Variants in BACH2 observed in about 807,000 individuals in gnomAD.
The protein encoded by BACH2 is BACH transcriptional regulator 2, also known as transcription regulator protein BACH2.
Under a neutral mutation model 61.8 loss-of-function variants are expected in BACH2, and 5 were observed. The observed-to-expected ratio is 0.08, with a 90% CI of 0.04 to 0.17. BACH2 has a LOEUF of 0.17. Among genes scored for constraint, BACH2 ranks in the 10% least tolerant of loss-of-function variants. The pLI, the probability that BACH2 is intolerant of heterozygous loss-of-function variation, is 1.00. For synonymous variants in BACH2, 446 were observed against 440.1 expected (o/e 1.01, Z -0.17); for missense variants, 824 against 1,091.1 (o/e 0.76, Z 3.45).
At chr6:90,038,149 A>T (rs1012169758) in intron 5 of BACH2, among the ~76,000 whole-genome samples, 6 of 152,222 alleles carry the variant, frequency 3.9e-5, no homozygotes, top group African/African-American at 1.4e-4. Context: ...ACCTTAAAGA[A>T]GATTTTCCCC....
intron 4 of BACH2, among the ~76,000 whole-genome samples, chr6:90,101,563 A>C (rs1157374742): frequency 6.6e-6 from 1 of 152,196 alleles, no homozygotes; most frequent in African/African-American, 2.4e-5. Context: ...TGTATTCAAG[A>C]CTACACTATC....
At chr6:89,946,588 C>T (rs3173197) in intron 7 of BACH2, among the ~76,000 whole-genome samples, 14,722 of 152,188 alleles carry the variant, frequency 0.097, 812 homozygotes, top group South Asian at 0.14. Context: ...GAATGAACTA[C>T]GATTTACGAG....
At chr6:90,251,810 T>C (rs1770820222) in intron 3 of BACH2, among the ~76,000 whole-genome samples, 1 of 152,190 alleles carries the variant, frequency 6.6e-6, no homozygotes, top group African/African-American at 2.4e-5. Flanking sequence ...TTTTGTTTTA[T>C]AGTTTGTAGA....
chr6:90,231,410 C>A (rs917646362), intron 3 of BACH2, among the ~76,000 whole-genome samples: 35 of 152,084 alleles, frequency 2.3e-4, no homozygotes, highest in Admixed American at 2.0e-3. Flanking sequence ...TCTACTTGAC[C>A]TTAGCAACAT....
intron 1 of BACH2, among the ~76,000 whole-genome samples, chr6:90,282,597 T>G (rs1162646137): frequency 6.6e-6 from 1 of 152,212 alleles, no homozygotes; most frequent in East Asian, 1.9e-4. Flanking sequence ...TTATTGTGAA[T>G]AGTGCCGCAA....
intron 5 of BACH2, among the ~76,000 whole-genome samples, chr6:90,014,752 C>T (rs578133896): frequency 2.0e-5 from 3 of 151,436 alleles, no homozygotes; most frequent in South Asian, 2.1e-4. Flanking sequence ...GGATTACAGG[C>T]GTCAGCTACC....
intron 3 of BACH2, among the ~76,000 whole-genome samples, chr6:90,223,397 T>C (rs1769806519): frequency 6.6e-6 from 1 of 152,168 alleles, no homozygotes; most frequent in African/African-American, 2.4e-5. Flanking sequence ...AATGTATAAC[T>C]TAGAACTGTT....
chr6:90,044,966 T>TG (rs1268615404), intron 5 of BACH2, among the ~76,000 whole-genome samples: 1 of 152,130 alleles, frequency 6.6e-6, no homozygotes, highest in Non-Finnish European at 1.5e-5. Context: ...GAGATAAATT[T>TG]GGGAGCCATT....
intron 5 of BACH2, among the ~76,000 whole-genome samples, chr6:90,040,903 G>A (rs2127791099): frequency 6.6e-6 from 1 of 152,194 alleles, no homozygotes; most frequent in East Asian, 1.9e-4. Context: ...AGAATGTTTA[G>A]TTTTACATAA....
chr6:89,977,942 CAGCAG>C (rs1775745206), intron 6 of BACH2, among the ~76,000 whole-genome samples: 1 of 152,184 alleles, frequency 6.6e-6, no homozygotes, highest in Admixed American at 6.5e-5. Flanking sequence ...CAGCTTGCAT[CAGCAG>C]CTGCTGCCCC....
chr6:90,051,705 T>A (rs1262819898), intron 5 of BACH2, among the ~76,000 whole-genome samples: 1 of 152,178 alleles, frequency 6.6e-6, no homozygotes, highest in Non-Finnish European at 1.5e-5. Context: ...CATTCGTCTT[T>A]TTTTTTACCT....
chr6:90,138,191 ACAGTGAGAGTCCATTTAAACCAG>A (rs1221989589), intron 4 of BACH2, among the ~76,000 whole-genome samples: 1 of 152,232 alleles, frequency 6.6e-6, no homozygotes, highest in African/African-American at 2.4e-5. Flanking sequence ...CACGAACTGG[ACAGTGAGAGTCCATTTAAACCAG>A]CAGGGAGGCT....
At chr6:89,979,684 T>C (rs1037811873) in intron 6 of BACH2, among the ~76,000 whole-genome samples, 1 of 152,200 alleles carries the variant, frequency 6.6e-6, no homozygotes, top group Admixed American at 6.5e-5. Context: ...ATGATAAATA[T>C]CTGTTCATTG....
chr6:89,991,412 A>C (rs946928716), intron 6 of BACH2, among the ~76,000 whole-genome samples: 6 of 152,052 alleles, frequency 3.9e-5, no homozygotes, highest in African/African-American at 1.4e-4. Context: ...ACATTTGCTA[A>C]ATTTGTGTGC....
chr6:90,227,451 C>T (rs1450356519), intron 3 of BACH2, among the ~76,000 whole-genome samples: 1 of 152,168 alleles, frequency 6.6e-6, no homozygotes, highest in Non-Finnish European at 1.5e-5. Flanking sequence ...AGGAAAACAG[C>T]TCACAAAATG....
intron 7 of BACH2, among the ~76,000 whole-genome samples, chr6:89,948,129 A>G (rs1217120841): frequency 6.6e-6 from 1 of 152,206 alleles, no homozygotes; most frequent in East Asian, 1.9e-4. Flanking sequence ...ACACAAAAGA[A>G]GATGTATCTG....
intron 5 of BACH2, among the ~76,000 whole-genome samples, chr6:90,084,741 C>T (rs1781859853): frequency 6.6e-6 from 1 of 152,016 alleles, no homozygotes; most frequent in African/African-American, 2.4e-5. Flanking sequence ...TTTTCAGTTA[C>T]ACCTTTTCCT....
chr6:90,030,203 G>A lies in BACH2; in HGVS notation c.-12-21347C>T, dbSNP rs115156534. ...GCCTATCTCAAACTGCCAAACAGAG[G>A]ACCAATTATGCCCTTCCTTTCCGCA... is the stretch of plus-strand genomic sequence containing the variant. On this transcript the variant is annotated intron_variant, in intron 5 of 8. Coordinates refer to ENST00000257749, the MANE Select transcript of BACH2 (RefSeq NM_021813.4). 2.3e-3 allele frequency among the ~76,000 whole-genome samples: 350 copies of A among 152,160 alleles called. 1 individual carries two copies. Among genetic ancestry groups the A allele is most frequent in the African/African-American group, 8.3e-3 (345 of 41,510 alleles).
At chr6:90,270,809 T>C (rs547995029) in intron 2 of BACH2, among the ~76,000 whole-genome samples, 17 of 152,250 alleles carry the variant, frequency 1.1e-4, no homozygotes, top group African/African-American at 3.9e-4. Context: ...AGGCATCACA[T>C]TGCCCAATTT....
Sources: allele counts gnomAD v4.1 joint callset (sites outside exome capture counted in the v4.1 genomes callset), GRCh38; gene constraint gnomAD v4.1.1; transcripts MANE v1.5; gene names NCBI Gene and HGNC (gene_info 2026-07-23, HGNC 2026-07-21).